Variants in TCP11 observed in about 807,000 individuals in gnomAD.
TCP11 encodes T-complex protein 11 homolog.
In TCP11, 34 loss-of-function variants were observed where a neutral mutation model predicts 45.0. The ratio of observed to expected loss-of-function variants is 0.76; its 90% CI spans 0.57 to 1.01. TCP11 has a LOEUF of 1.01. TCP11 is among the 50% of genes least tolerant of loss of function. The probability of loss-of-function intolerance (pLI) is 0.00; values close to 1 mark genes in which losing one functional copy is unlikely to be tolerated. For missense variants in TCP11, 523 were observed against 598.1 expected (o/e 0.87, Z 1.31); for synonymous variants, 227 against 227.0 (o/e 1.00, Z 0.00).
chr6:35,129,288 T>G, intron 3 of TCP11, 106 bp from the exon 4 acceptor site: 1 of 1,375,468 alleles, frequency 7.3e-7, no homozygotes, highest in Non-Finnish European at 9.7e-7. Flanking sequence ...AAGGCCATTA[T>G]AATAACAGGG....
intron 8 of TCP11, 143 bp from the exon 9 acceptor site, chr6:35,119,534 C>T: frequency 1.0e-6 from 1 of 977,112 alleles, no homozygotes; most frequent in Non-Finnish European, 1.5e-6. Context: ...CAGCCCCTGG[C>T]AGGCTATAGG....
At chr6:35,122,811 C>A (rs1257234477) in intron 4 of TCP11, among the ~76,000 whole-genome samples, 1 of 152,162 alleles carries the variant, frequency 6.6e-6, no homozygotes, top group Non-Finnish European at 1.5e-5. Context: ...TCCCCTGCCT[C>A]TGTAACACAC....
chr6:35,138,539 C>T (rs1562011481), intron 2 of TCP11, among the ~76,000 whole-genome samples: 1 of 147,224 alleles, frequency 6.8e-6, no homozygotes. Flanking sequence ...AACAATTGAA[C>T]TCATGTAGAT....
intron 4 of TCP11, among the ~76,000 whole-genome samples, chr6:35,128,071 A>G (rs1276425816): frequency 6.6e-6 from 1 of 152,196 alleles, no homozygotes; most frequent in East Asian, 1.9e-4. Flanking sequence ...AAGAACACAC[A>G]TTTATGATCT....
chr6:35,123,413 G>A lies in TCP11; in HGVS notation c.358-1076C>T, dbSNP rs60023229. ...GAGCTTTTCAAGTGATATCCTCCAAGGTGAAGGACAAATTGCTGTACCTGA... is the reference window on the plus strand; with the variant it reads ...GAGCTTTTCAAGTGATATCCTCCAAAGTGAAGGACAAATTGCTGTACCTGA... On this transcript the variant is annotated intron_variant, in intron 4 of 9. Transcript: ENST00000311875. 8.9e-3 allele frequency among the ~76,000 whole-genome samples: 1,349 copies of A among 151,984 alleles called. 22 individuals are homozygous for A. Among genetic ancestry groups the A allele is most frequent in the African/African-American group, 0.031 (1,266 of 41,468 alleles).
chr6:35,118,867 T>TC, intron 9 of TCP11, among the ~76,000 whole-genome samples: 1 of 152,246 alleles, frequency 6.6e-6, no homozygotes, highest in Non-Finnish European at 1.5e-5. Context: ...GGTAGGGGAT[T>TC]CCCCACTATA....
intron 4 of TCP11, among the ~76,000 whole-genome samples, chr6:35,125,183 CAA>C (rs35594738): frequency 3.7e-4 from 26 of 71,018 alleles, no homozygotes; most frequent in Admixed American, 6.1e-4. Flanking sequence ...GACTCTGTCT[CAA>C]AAAAAAAAAA....
chr6:35,127,576 ATATG>A (rs1779970987), intron 4 of TCP11, among the ~76,000 whole-genome samples: 1 of 152,234 alleles, frequency 6.6e-6, no homozygotes, highest in South Asian at 2.1e-4. Context: ...TTTGCTTATT[ATATG>A]TATGTTTATT....
chr6:35,137,428 C>T (rs1285064815), intron 2 of TCP11, among the ~76,000 whole-genome samples: 2 of 145,396 alleles, frequency 1.4e-5, no homozygotes, highest in Non-Finnish European at 3.0e-5. Flanking sequence ...CCACCAAAAT[C>T]ATCATTTCAT....
chr6:35,140,773 T>C lies in TCP11; in HGVS notation c.98A>G (p.Lys33Arg). The change falls in exon 2 of 10, where the codon AAG (lysine) becomes AGG (arginine). Residue 33 changes from lysine to arginine, a missense_variant. By Grantham distance (26) the Lys-to-Arg change is conservative. This residue lies in a region of TCP11 where 225 missense variants were observed against 210.2 expected (regional missense o/e 1.07). Coordinates refer to ENST00000311875, the MANE Select transcript of TCP11 (RefSeq NM_001370687.1). ...GGGAGGGGGGTCCTCGGAGCCGCTC[T>C]TGTCTTCCTGGGGGGGTCCTGAGGT... ...PETSGPPQEDKSGSEDPPPFL... is the reference protein window; with the variant it reads ...PETSGPPQEDRSGSEDPPPFL... The C allele has an allele frequency of 6.5e-6, 10 of 1,530,764 alleles. No individual in the cohort carries two copies. Among genetic ancestry groups the C allele is most frequent in the African/African-American group, 1.4e-5 (1 of 71,984 alleles). The allele number at this position is 1,530,764 out of a possible 1,614,324, so 94.8% of individuals were successfully genotyped here. A position where few individuals can be genotyped will look rare whatever the true frequency, so the allele number is the denominator to read the frequency against.
intron 3 of TCP11, among the ~76,000 whole-genome samples, chr6:35,131,088 C>T (rs906673291): frequency 6.6e-6 from 1 of 152,070 alleles, no homozygotes; most frequent in Non-Finnish European, 1.5e-5. Flanking sequence ...GCCTGACCAA[C>T]ATGGTGAAAA....
intron 3 of TCP11, 62 bp downstream of exon 3, chr6:35,136,045 G>A: frequency 3.2e-6 from 4 of 1,241,632 alleles, no homozygotes; most frequent in Non-Finnish European, 4.6e-6. Flanking sequence ...CTGATCTGAA[G>A]CCATCAGTGC....
intron 9 of TCP11, 60 bp from the exon 10 acceptor site, chr6:35,118,561 C>T: frequency 1.4e-6 from 2 of 1,465,714 alleles, no homozygotes; most frequent in Non-Finnish European, 1.9e-6. Flanking sequence ...GGAGAAAATT[C>T]CCCCTGCACT....
chr6:35,141,216 CCG>C lies in TCP11; in HGVS notation c.-28_-27del, dbSNP rs1365199761. 2.9e-5 allele frequency: 41 copies of C among 1,405,478 alleles called. No homozygotes were observed. Among genetic ancestry groups the C allele is most frequent in the Non-Finnish European group, 3.6e-5 (39 of 1,081,508 alleles). The allele number at this position is 1,405,478 out of a possible 1,614,324, so 87.1% of individuals were successfully genotyped here. On this transcript the variant is annotated 5_prime_UTR_variant, in exon 1 of 10. Transcript: ENST00000311875. ...TCCCAGGCCGTCACCTCCTCCTCCC[CCG>C]CCGCGGGTCATCCACTGGCGTCCGC...
In TCP11 at chr6:35,141,100, C is replaced by T. The variant is rs1029657433; in HGVS notation, c.-15+105G>A. On this transcript the variant is annotated intron_variant, in intron 1 of 9. Transcript: ENST00000311875. ...AACGAGGAAACTAAAGCCACAGAAG[C>T]CCGGCGCAGGGCGGGAAGCGTGGGA... 1.2e-5 allele frequency: 15 copies of T among 1,281,776 alleles called. No individual in the cohort carries two copies. The East Asian group carries it at 4.7e-4, about 40-fold the overall frequency. 79.4% of individuals were successfully genotyped at this position (1,281,776 alleles called of 1,614,324 possible). A position where few individuals can be genotyped will look rare whatever the true frequency, so the allele number is the denominator to read the frequency against.
chr6:35,130,148 T>C lies in TCP11; in HGVS notation c.237-966A>G, dbSNP rs557450502. On this transcript the variant is annotated intron_variant, in intron 3 of 9. Transcript: ENST00000311875. ...ATGTTGGAACAACTAGATATCTAAATACAAAAAAATAAAGAATCTAAACAC... is the reference window on the plus strand; with the variant it reads ...ATGTTGGAACAACTAGATATCTAAACACAAAAAAATAAAGAATCTAAACAC... Among the ~76,000 whole-genome samples, 5 of 152,066 alleles carry C rather than the reference T, an allele frequency of 3.3e-5. No homozygotes were observed. In the South Asian group the frequency reaches 1.0e-3, roughly 32 times the overall value.
rs1779061165 is a variant in TCP11 at position 35,120,146 on chromosome 6, C to T, written c.1115+13G>A. The stretch of plus-strand genomic sequence containing the variant: ...TATCACCTTCTACTCTAAAAAGTAA[C>T]TATGCAGCTCACCTGGAGTGAAAGT... On this transcript the variant is annotated intron_variant, in intron 8 of 9. Coordinates refer to ENST00000311875, the MANE Select transcript of TCP11 (RefSeq NM_001370687.1). The surrounding 1 kb of genome is among the most constrained non-coding windows in gnomAD (Gnocchi z 4.9). 7 of 1,611,760 alleles carry T rather than the reference C, an allele frequency of 4.3e-6. No homozygotes were observed. The South Asian group carries it at 7.7e-5, about 18-fold the overall frequency.
chr6:35,120,393 A>T lies in TCP11; in HGVS notation c.933+36T>A. ...AGGGGAAGTCCCGATGGAAGCCCTGAACACAAAACAAGGCAATGCCCCCAG... is the reference window on the plus strand; with the variant it reads ...AGGGGAAGTCCCGATGGAAGCCCTGTACACAAAACAAGGCAATGCCCCCAG... On this transcript the variant is annotated intron_variant, in intron 7 of 9. Transcript: ENST00000311875. The surrounding 1 kb of genome is among the most constrained non-coding windows in gnomAD (Gnocchi z 4.9). The T allele has an allele frequency of 1.3e-6, 2 of 1,593,490 alleles. No individual in the cohort carries two copies. The highest frequency in any genetic ancestry group is 2.3e-5 in the South Asian group (2 of 88,212).
At chr6:35,132,524 T>TGACATAATAAG (rs1780576977) in intron 3 of TCP11, among the ~76,000 whole-genome samples, 1 of 152,232 alleles carries the variant, frequency 6.6e-6, no homozygotes, top group African/African-American at 2.4e-5. Context: ...ATTTTGCCTG[T>TGACATAATAAG]GACATAATAA....
Sources: gnomAD v4.1 joint callset for allele counts (sites outside exome capture counted in the v4.1 genomes callset) on GRCh38, gnomAD v4.1.1 for gene constraint, gnomAD v4.1.1 regional missense constraint, Gnocchi (gnomAD v3.1) non-coding constraint, MANE v1.5 for transcripts, NCBI Gene and HGNC (gene_info 2026-07-23, HGNC 2026-07-21) for gene names.